The following PTPRD variants were observed in gnomAD, a reference collection of about 807,000 sequenced individuals.
PTPRD encodes protein tyrosine phosphatase receptor type D, also known as receptor-type tyrosine-protein phosphatase delta.
In PTPRD, 34 loss-of-function variants were observed where a neutral mutation model predicts 214.5. That is an observed-to-expected ratio of 0.16 (90% CI 0.12 to 0.21). PTPRD has a LOEUF of 0.21. Ranked by LOEUF, PTPRD falls within the 10% of genes least tolerant of loss-of-function variation. The probability of loss-of-function intolerance (pLI) is 1.00; values close to 1 mark genes in which losing one functional copy is unlikely to be tolerated. For missense variants in PTPRD, 2,545 were observed against 2,398.7 expected, an observed-to-expected ratio of 1.06 and a Z score of -1.27; for synonymous variants, 1,128 against 845.7, an observed-to-expected ratio of 1.33 and a Z score of -5.79.
intron 3 of PTPRD, among the ~76,000 whole-genome samples, chr9:10,126,303 T>C (rs949716894): frequency 6.6e-6 from 1 of 152,086 alleles, no homozygotes. Flanking sequence ...AATTTCCCAT[T>C]AATATTTAAT....
At chr9:9,251,249 T>G (rs1297403649) in intron 9 of PTPRD, among the ~76,000 whole-genome samples, 2 of 152,072 alleles carry the variant, frequency 1.3e-5, no homozygotes, top group Non-Finnish European at 2.9e-5. Flanking sequence ...ATTGTGAGAT[T>G]GACTGGCATC....
intron 2 of PTPRD, among the ~76,000 whole-genome samples, chr9:10,536,830 G>A (rs1004413666): frequency 1.3e-5 from 2 of 152,066 alleles, no homozygotes; most frequent in African/African-American, 4.8e-5. Flanking sequence ...TGTAACCATT[G>A]GATCATGCCC....
intron 9 of PTPRD, among the ~76,000 whole-genome samples, chr9:9,313,253 A>G (rs1197494238): frequency 6.6e-6 from 1 of 152,172 alleles, no homozygotes; most frequent in Non-Finnish European, 1.5e-5. Context: ...GAGGAGAGCA[A>G]CAAGATTATT....
intron 11 of PTPRD, among the ~76,000 whole-genome samples, chr9:8,916,744 C>G (rs189063412): frequency 4.8e-4 from 73 of 152,258 alleles, no homozygotes; most frequent in Non-Finnish European, 8.5e-4. Context: ...TGACATCATT[C>G]CCTCTAGAAA....
At chr9:10,172,136 G>A (rs529884277) in intron 3 of PTPRD, among the ~76,000 whole-genome samples, 3 of 152,140 alleles carry the variant, frequency 2.0e-5, no homozygotes, top group South Asian at 4.2e-4. Context: ...ATCTAAAGAC[G>A]ACCAACTGAA....
At chr9:8,651,138 G>A (rs192289528) in intron 12 of PTPRD, among the ~76,000 whole-genome samples, 90 of 152,286 alleles carry the variant, frequency 5.9e-4, no homozygotes, top group African/African-American at 1.9e-3. Context: ...AGAGTGAAGA[G>A]AAAGAATCTA....
intron 34 of PTPRD, among the ~76,000 whole-genome samples, chr9:8,440,458 G>A (rs914733817): frequency 6.6e-6 from 1 of 152,026 alleles, no homozygotes; most frequent in African/African-American, 2.4e-5. Flanking sequence ...GGGATTACAG[G>A]GACGCGCCAC....
intron 14 of PTPRD, among the ~76,000 whole-genome samples, chr9:8,563,375 T>C (rs2087282719): frequency 6.6e-6 from 1 of 151,944 alleles, no homozygotes; most frequent in Non-Finnish European, 1.5e-5. Context: ...TAAGTATCTA[T>C]ACATATATAC....
chr9:8,907,855 G>A (rs981041197), intron 11 of PTPRD, among the ~76,000 whole-genome samples: 2 of 151,978 alleles, frequency 1.3e-5, no homozygotes, highest in Non-Finnish European at 2.9e-5. Context: ...ATGAGTCCCA[G>A]AAGAAAAATA....
intron 12 of PTPRD, among the ~76,000 whole-genome samples, chr9:8,705,366 C>A (rs937586638): frequency 6.6e-6 from 1 of 152,116 alleles, no homozygotes; most frequent in African/African-American, 2.4e-5. Context: ...ATTACAGGCA[C>A]CTGCTACCAC....
intron 2 of PTPRD, among the ~76,000 whole-genome samples, chr9:10,389,143 A>T (rs1207233569): frequency 2.0e-5 from 3 of 151,846 alleles, no homozygotes; most frequent in Non-Finnish European, 4.4e-5. Context: ...GCCTTGCTTC[A>T]GCAGCTGTTA....
intron 11 of PTPRD, among the ~76,000 whole-genome samples, chr9:8,848,876 T>G (rs991079987): frequency 7.3e-6 from 1 of 136,434 alleles, no homozygotes; most frequent in Non-Finnish European, 1.6e-5. Context: ...AATAAAACCA[T>G]CTGACTTACA....
intron 3 of PTPRD, among the ~76,000 whole-genome samples, chr9:10,252,481 G>A (rs143549786): frequency 6.6e-6 from 1 of 152,030 alleles, no homozygotes; most frequent in East Asian, 1.9e-4. Flanking sequence ...CTCCTCCATT[G>A]TCTCCCCCAT....
intron 5 of PTPRD, among the ~76,000 whole-genome samples, chr9:9,803,313 A>G (rs1370609548): frequency 1.3e-5 from 2 of 151,952 alleles, no homozygotes; most frequent in Non-Finnish European, 2.9e-5. Context: ...GTAGTAAAAA[A>G]TGTCAAACTC....
In PTPRD at chr9:8,687,997, A is replaced by C. The variant is rs186486182; in HGVS notation, c.64+45783T>G. Among the ~76,000 whole-genome samples the C allele has an allele frequency of 1.8e-3, 273 of 152,338 alleles. 3 individuals carry two copies. Among genetic ancestry groups the C allele is most frequent in the Admixed American group, 4.8e-3 (73 of 15,306 alleles). On this transcript the variant is annotated intron_variant, in intron 12 of 45. Transcript: ENST00000381196. The stretch of plus-strand genomic sequence containing the variant: ...GTTTTTTGAAATTCTGAATGCCTAC[A>C]AAATTATTCTTTATTACAATAAAAA...
chr9:9,892,692 G>T (rs1412542777), intron 5 of PTPRD, among the ~76,000 whole-genome samples: 1 of 151,818 alleles, frequency 6.6e-6, no homozygotes, highest in Admixed American at 6.6e-5. Flanking sequence ...TGATGCATGA[G>T]GGTGACCAAG....
At chr9:9,476,412 T>C (rs904254192) in intron 8 of PTPRD, among the ~76,000 whole-genome samples, 3 of 152,188 alleles carry the variant, frequency 2.0e-5, no homozygotes, top group Admixed American at 6.5e-5. Flanking sequence ...AACAGGATAA[T>C]TGAGGATTAT....
chr9:9,715,733 C>T (rs555867793), intron 7 of PTPRD, among the ~76,000 whole-genome samples: 3 of 152,170 alleles, frequency 2.0e-5, no homozygotes, highest in Admixed American at 6.5e-5. Flanking sequence ...TATTAAAATC[C>T]TATTTCAAAG....
chr9:9,848,129 C>A (rs994167208), intron 5 of PTPRD, among the ~76,000 whole-genome samples: 1 of 152,154 alleles, frequency 6.6e-6, no homozygotes, highest in Non-Finnish European at 1.5e-5. Flanking sequence ...ACAGCTGTAA[C>A]ACGCTTCAGA....
Sources: allele counts gnomAD v4.1 joint callset (sites outside exome capture counted in the v4.1 genomes callset), GRCh38; gene constraint gnomAD v4.1.1; transcripts MANE v1.5; gene names NCBI Gene and HGNC (gene_info 2026-07-23, HGNC 2026-07-21).